The following CTNNA3 variants were observed in gnomAD, a reference collection of about 807,000 sequenced individuals.
CTNNA3 encodes catenin alpha-3.
Under a neutral mutation model 95.7 loss-of-function variants are expected in CTNNA3, and 76 were observed. The observed-to-expected ratio is 0.79, with a 90% CI of 0.66 to 0.96. The LOEUF is 0.96. Among genes scored for constraint, CTNNA3 ranks in the 40% least tolerant of loss-of-function variants. The pLI is 0.00. For missense variants in CTNNA3, 1,191 were observed against 1,089.8 expected, an observed-to-expected ratio of 1.09 and a Z score of -1.31; for synonymous variants, 431 against 374.4, an observed-to-expected ratio of 1.15 and a Z score of -1.74.
chr10:66,426,741 A>G (rs974895525), intron 11 of CTNNA3, among the ~76,000 whole-genome samples: 7 of 151,926 alleles, frequency 4.6e-5, no homozygotes, highest in South Asian at 2.1e-4. Context: ...TTGGCCCTCA[A>G]TGAAGTCTTT....
intron 7 of CTNNA3, among the ~76,000 whole-genome samples, chr10:67,017,959 A>T (rs1323147784): frequency 6.6e-6 from 1 of 151,984 alleles, no homozygotes; most frequent in African/African-American, 2.4e-5. Flanking sequence ...TTAAGTTGAG[A>T]TGGGGTTTCA....
chr10:66,263,452 T>C (rs767043587), intron 13 of CTNNA3, among the ~76,000 whole-genome samples: 1 of 152,044 alleles, frequency 6.6e-6, no homozygotes, highest in South Asian at 2.1e-4. Flanking sequence ...TGTCACTTTA[T>C]GCTTATATAA....
chr10:66,127,641 A>G (rs1465877058), intron 13 of CTNNA3, among the ~76,000 whole-genome samples: 1 of 152,226 alleles, frequency 6.6e-6, no homozygotes, highest in African/African-American at 2.4e-5. Flanking sequence ...GGAAAAGGAC[A>G]TGAGATAAAT....
At chr10:66,131,052 A>G (rs2083070906) in intron 13 of CTNNA3, among the ~76,000 whole-genome samples, 1 of 146,710 alleles carries the variant, frequency 6.8e-6, no homozygotes. Context: ...TTGAATCAGT[A>G]ATAAATTGCC....
chr10:65,977,509 G>C (rs1338338286), intron 16 of CTNNA3, among the ~76,000 whole-genome samples: 2 of 151,982 alleles, frequency 1.3e-5, no homozygotes, highest in Admixed American at 1.3e-4. Context: ...AGCCAGGTGC[G>C]GTGGCTCACG....
At chr10:67,726,386 T>TCA (rs1352613622) in intron 1 of CTNNA3, among the ~76,000 whole-genome samples, 2 of 50,066 alleles carry the variant, frequency 4.0e-5, no homozygotes, top group Non-Finnish European at 6.1e-5. Context: ...ATATATGAAA[T>TCA]TATATATATT....
chr10:66,110,186 C>T (rs2082067077), intron 13 of CTNNA3, among the ~76,000 whole-genome samples: 1 of 151,600 alleles, frequency 6.6e-6, no homozygotes, highest in South Asian at 2.1e-4. Flanking sequence ...CATGGTGAAA[C>T]CCCGTCTCTA....
chr10:66,358,926 C>A (rs565765479), intron 12 of CTNNA3, among the ~76,000 whole-genome samples: 1 of 152,030 alleles, frequency 6.6e-6, no homozygotes, highest in Admixed American at 6.6e-5. Context: ...TTCCTTTTTG[C>A]CCCTATTCAT....
chr10:67,518,925 C>T (rs531005528), intron 5 of CTNNA3, among the ~76,000 whole-genome samples: 53 of 152,178 alleles, frequency 3.5e-4, no homozygotes, highest in African/African-American at 1.0e-3. Flanking sequence ...CCAAATTCTC[C>T]GGTTAATCCT....
intron 1 of CTNNA3, among the ~76,000 whole-genome samples, chr10:67,716,398 G>A (rs546005548): frequency 9.1e-4 from 139 of 152,040 alleles, no homozygotes; most frequent in African/African-American, 2.9e-3. Flanking sequence ...AGGTATATAC[G>A]TGCCATGGTG....
At chr10:66,687,495 T>C (rs950026560) in intron 9 of CTNNA3, among the ~76,000 whole-genome samples, 3 of 152,184 alleles carry the variant, frequency 2.0e-5, no homozygotes, top group Admixed American at 2.0e-4. Flanking sequence ...TTGTTTTGTT[T>C]ACTAATATAT....
chr10:66,662,109 A>G (rs1846285383), intron 9 of CTNNA3, among the ~76,000 whole-genome samples: 1 of 152,164 alleles, frequency 6.6e-6, no homozygotes, highest in Admixed American at 6.5e-5. Flanking sequence ...TTAAAAACGA[A>G]TTGTTGTTTA....
intron 7 of CTNNA3, among the ~76,000 whole-genome samples, chr10:67,060,226 G>C (rs780873277): frequency 6.6e-6 from 1 of 152,142 alleles, no homozygotes; most frequent in Admixed American, 6.5e-5. Context: ...GCTGAGATGG[G>C]AGGATTAATT....
rs535228867 is a variant in CTNNA3, at chr10:67,440,818, C to G, written c.579+81024G>C. Among the ~76,000 whole-genome samples the G allele has an allele frequency of 2.0e-5, 3 of 152,088 alleles. No homozygotes were observed. In the South Asian group the frequency reaches 6.2e-4, roughly 32 times the overall value. On this transcript the variant is annotated intron_variant, in intron 5 of 17. Coordinates refer to ENST00000433211, the MANE Select transcript of CTNNA3 (RefSeq NM_013266.4). ...CCCTTCAAATACCTGGGAAGCCTTT[C>G]CAAGAAAGATGGGCACAAACAAGCC... is the stretch of plus-strand genomic sequence containing the variant.
chr10:67,654,968 TA>T (rs1347380442), intron 1 of CTNNA3, among the ~76,000 whole-genome samples: 1 of 152,196 alleles, frequency 6.6e-6, no homozygotes, highest in African/African-American at 2.4e-5. Context: ...AACACAGAAA[TA>T]AAAAACATTC....
chr10:67,325,622 C>T (rs1201653211), intron 5 of CTNNA3, among the ~76,000 whole-genome samples: 1 of 152,020 alleles, frequency 6.6e-6, no homozygotes, highest in Non-Finnish European at 1.5e-5. Context: ...AGTTCTTTTG[C>T]ATTTTGTAGA....
intron 7 of CTNNA3, among the ~76,000 whole-genome samples, chr10:66,986,959 G>A (rs371001299): frequency 4.6e-5 from 7 of 152,068 alleles, no homozygotes; most frequent in South Asian, 2.1e-4. Flanking sequence ...AGGTCACATC[G>A]TCAGAATGGG....
At chr10:67,641,533 T>C (rs1237768043) in intron 2 of CTNNA3, among the ~76,000 whole-genome samples, 1 of 152,210 alleles carries the variant, frequency 6.6e-6, no homozygotes, top group Non-Finnish European at 1.5e-5. Flanking sequence ...TTATAAATCA[T>C]GCTACTATAA....
intron 16 of CTNNA3, among the ~76,000 whole-genome samples, chr10:65,970,454 C>T (rs58409509): frequency 0.014 from 2,150 of 151,830 alleles, 53 homozygotes; most frequent in African/African-American, 0.05. Context: ...ATAGCCTAAA[C>T]CCCCCACTTA....
Sources: allele counts gnomAD v4.1 joint callset (sites outside exome capture counted in the v4.1 genomes callset), GRCh38; gene constraint gnomAD v4.1.1; transcripts MANE v1.5; gene names NCBI Gene and HGNC (gene_info 2026-07-23, HGNC 2026-07-21).